GCNT1: variants seen among roughly 807,000 people sequenced by gnomAD.
GCNT1 encodes beta-1,3-galactosyl-O-glycosyl-glycoprotein beta-1,6-N-acetylglucosaminyltransferase.
GCNT1 carries 16 observed loss-of-function variants against 26.2 expected under a neutral mutation model. The observed-to-expected ratio is 0.61, with a 90% CI of 0.41 to 0.93. The LOEUF is 0.93. GCNT1 is among the 40% of genes least tolerant of loss of function. GCNT1 has a pLI of 0.00. For missense variants in GCNT1, 477 were observed against 526.7 expected, an observed-to-expected ratio of 0.91 and a Z score of 0.92; for synonymous variants, 183 against 190.8, an observed-to-expected ratio of 0.96 and a Z score of 0.34.
At chr9:76,496,953 C>G (rs1489232522) in intron 2 of GCNT1, among the ~76,000 whole-genome samples, 2 of 152,168 alleles carry the variant, frequency 1.3e-5, no homozygotes. Flanking sequence ...TGCCCCAGGT[C>G]AGTTGTTGGA....
At chr9:76,399,563 G>C in the GCNT1 span, 2 of 1,433,220 alleles carry the variant, frequency 1.4e-6, no homozygotes, top group African/African-American at 1.4e-5. Context: ...TGAATGGGTA[G>C]GAGCAACCAC....
At chr9:76,470,316 T>C (rs1278525771) in intron 2 of GCNT1, among the ~76,000 whole-genome samples, 1 of 152,158 alleles carries the variant, frequency 6.6e-6, no homozygotes, top group Non-Finnish European at 1.5e-5. Context: ...TAAAAACAAG[T>C]GCTTAGGCTA....
intron 2 of GCNT1, among the ~76,000 whole-genome samples, chr9:76,465,826 G>C (rs947426313): frequency 1.3e-5 from 2 of 152,210 alleles, no homozygotes; most frequent in African/African-American, 4.8e-5. Context: ...TGATGGAGAG[G>C]GAGGTAGCAA....
intron 1 of GCNT1, among the ~76,000 whole-genome samples, chr9:76,431,681 C>T (rs1823338452): frequency 1.3e-5 from 2 of 152,122 alleles, no homozygotes; most frequent in African/African-American, 2.4e-5. Flanking sequence ...CTTTGGAAGT[C>T]GGGAGGTCAG....
chr9:76,496,998 G>A (rs1564246111), intron 2 of GCNT1, among the ~76,000 whole-genome samples: 1 of 152,150 alleles, frequency 6.6e-6, no homozygotes, highest in Non-Finnish European at 1.5e-5. Flanking sequence ...GCTTAGTATG[G>A]TTTGGGACTT....
the GCNT1 span, among the ~76,000 whole-genome samples, chr9:76,403,884 A>G: frequency 9.2e-5 from 14 of 152,256 alleles, no homozygotes; most frequent in Non-Finnish European, 1.9e-4. Flanking sequence ...TTTTAATTAT[A>G]CATTTGGTGC....
At chr9:76,400,003 A>G in the GCNT1 span, among the ~76,000 whole-genome samples, 1 of 152,220 alleles carries the variant, frequency 6.6e-6, no homozygotes. Flanking sequence ...CATGATTCCA[A>G]TTATATTACA....
chr9:76,428,095 T>G lies in GCNT1; in HGVS notation n.38+8208T>G, dbSNP rs1376892818. On this transcript the variant is annotated intron_variant and non_coding_transcript_variant, in intron 1 of 3. Coordinates refer to the GCNT1 transcript ENST00000488136. The stretch of plus-strand genomic sequence containing the variant: ...TCCTGGCTAATACGGTGAAACCCCA[T>G]CTCTACTAAAAATACAAAAAATTAG... Among the ~76,000 whole-genome samples, 3 of 151,644 alleles carry G rather than the reference T, an allele frequency of 2.0e-5. No homozygotes were observed. The East Asian group carries it at 5.8e-4, about 29-fold the overall frequency.
intron 1 of GCNT1, among the ~76,000 whole-genome samples, chr9:76,424,352 C>T (rs1823234255): frequency 6.6e-6 from 1 of 152,178 alleles, no homozygotes. Flanking sequence ...CCTGTAGTGC[C>T]TCTCCAGCTT....
At chr9:76,465,929 G>A (rs1305227972) in intron 2 of GCNT1, among the ~76,000 whole-genome samples, 1 of 152,296 alleles carries the variant, frequency 6.6e-6, no homozygotes, top group South Asian at 2.1e-4. Context: ...GGAGCGGGTT[G>A]GCACGAGGTG....
At chr9:76,497,734 T>G (rs949817505) in intron 2 of GCNT1, among the ~76,000 whole-genome samples, 4 of 152,164 alleles carry the variant, frequency 2.6e-5, no homozygotes, top group African/African-American at 9.7e-5. Flanking sequence ...AAATCCTGTT[T>G]AAGATAATTC....
At chr9:76,438,648 A>C (rs1041362014), upstream of GCNT1, among the ~76,000 whole-genome samples, 2 of 152,156 alleles carry the variant, frequency 1.3e-5, no homozygotes, top group African/African-American at 4.8e-5. Flanking sequence ...GTTTACAGCC[A>C]TTTCATCCTT....
chr9:76,398,297 T>C, the GCNT1 span, among the ~76,000 whole-genome samples: 1 of 152,200 alleles, frequency 6.6e-6, no homozygotes, highest in Non-Finnish European at 1.5e-5. Flanking sequence ...GCAAAAGATC[T>C]GAATAAGCAT....
chr9:76,462,413 A>G (rs371493885), intron 2 of GCNT1, among the ~76,000 whole-genome samples: 2 of 152,198 alleles, frequency 1.3e-5, no homozygotes, highest in African/African-American at 4.8e-5. Flanking sequence ...GCCTTTCTCA[A>G]TTGTGGCACT....
chr9:76,443,318 G>T (rs534547301), intron 1 of GCNT1, among the ~76,000 whole-genome samples: 80 of 152,200 alleles, frequency 5.3e-4, no homozygotes, highest in Non-Finnish European at 2.2e-4. Context: ...AGAGCTGAGA[G>T]CCCTGAACAG....
intron 2 of GCNT1, among the ~76,000 whole-genome samples, chr9:76,467,124 C>G (rs1209606503): frequency 6.6e-6 from 1 of 152,030 alleles, no homozygotes; most frequent in Non-Finnish European, 1.5e-5. Context: ...CTCACTGCAA[C>G]CTACGCCTCC....
At chr9:76,415,256 C>T (rs949579932), upstream of GCNT1, among the ~76,000 whole-genome samples, 2 of 152,066 alleles carry the variant, frequency 1.3e-5, no homozygotes, top group Admixed American at 6.6e-5. Flanking sequence ...AGAGTTTCAC[C>T]ATGTTGCTCA....
intron 2 of GCNT1, among the ~76,000 whole-genome samples, chr9:76,460,919 C>A (rs1406281734): frequency 6.6e-6 from 1 of 152,204 alleles, no homozygotes; most frequent in Non-Finnish European, 1.5e-5. Context: ...AATTATAGTT[C>A]ATTCTTGATT....
At chr9:76,447,687 G>C (rs548823903) in intron 1 of GCNT1, among the ~76,000 whole-genome samples, 11 of 152,108 alleles carry the variant, frequency 7.2e-5, no homozygotes, top group Admixed American at 2.6e-4. Context: ...CACACTTCAC[G>C]CAATATTTAC....
Sources: gnomAD v4.1 joint callset for allele counts (sites outside exome capture counted in the v4.1 genomes callset) on GRCh38, gnomAD v4.1.1 for gene constraint, MANE v1.5 for transcripts, NCBI Gene and HGNC (gene_info 2026-07-23, HGNC 2026-07-21) for gene names.